COL14A1: variants seen among roughly 807,000 people sequenced by gnomAD.
The protein encoded by COL14A1 is collagen type XIV alpha 1 chain.
COL14A1 carries 136 observed loss-of-function variants against 230.3 expected under a neutral mutation model. That is an observed-to-expected ratio of 0.59 (90% CI 0.51 to 0.68). The LOEUF is 0.68. COL14A1 is among the 30% of genes least tolerant of loss of function. The pLI, the probability that COL14A1 is intolerant of heterozygous loss-of-function variation, is 0.00. For synonymous variants in COL14A1, 792 were observed against 784.1 expected (o/e 1.01, Z -0.17); for missense variants, 1,976 against 2,215.8 (o/e 0.89, Z 2.17).
chr8:120,366,104 G>A (rs973207036), intron 45 of COL14A1, among the ~76,000 whole-genome samples: 20 of 152,298 alleles, frequency 1.3e-4, no homozygotes, highest in Admixed American at 1.3e-3. Context: ...TTTCTTTCTG[G>A]AAGTTATAAA....
At chr8:120,132,534 A>T (rs1420222948) in intron 1 of COL14A1, among the ~76,000 whole-genome samples, 1 of 147,640 alleles carries the variant, frequency 6.8e-6, no homozygotes, top group African/African-American at 2.5e-5. Flanking sequence ...TGCTTTGGCT[A>T]TTGAGGCTCT....
chr8:120,253,846 C>T (rs1819053143), intron 22 of COL14A1, among the ~76,000 whole-genome samples: 1 of 152,246 alleles, frequency 6.6e-6, no homozygotes, highest in East Asian at 1.9e-4. Context: ...ATCGCCTGTA[C>T]CCAGGAGGTG....
rs1028088058 is a variant in COL14A1, at chr8:120,274,506, G to T, written c.3214-3605G>T. On this transcript the variant is annotated intron_variant, in intron 26 of 47. Transcript: ENST00000297848. Reference sequence around the variant, plus strand: ...ATCAGGCAAGAGAAAATAATAAAGGGCATCCAAACTGGAAAAGAAGAAGTT... The same window carrying T: ...ATCAGGCAAGAGAAAATAATAAAGGTCATCCAAACTGGAAAAGAAGAAGTT... 2.6e-5 allele frequency among the ~76,000 whole-genome samples: 4 copies of T among 151,826 alleles called. No individual in the cohort carries two copies. The South Asian group carries it at 8.3e-4, about 31-fold the overall frequency.
chr8:120,334,260 C>T (rs1214593611), intron 42 of COL14A1, among the ~76,000 whole-genome samples: 1 of 152,160 alleles, frequency 6.6e-6, no homozygotes, highest in Non-Finnish European at 1.5e-5. Flanking sequence ...CAAACCCATA[C>T]AGGTTATGCA....
intron 5 of COL14A1, among the ~76,000 whole-genome samples, chr8:120,178,621 T>G (rs1816363012): frequency 1.3e-5 from 2 of 152,194 alleles, no homozygotes; most frequent in African/African-American, 4.8e-5. Context: ...CAAATGGTAT[T>G]TCTAGTTCTA....
At chr8:120,321,081 A>G (rs1821422677) in intron 40 of COL14A1, among the ~76,000 whole-genome samples, 1 of 152,196 alleles carries the variant, frequency 6.6e-6, no homozygotes, top group Non-Finnish European at 1.5e-5. Context: ...AGATCACCAC[A>G]GGATTTTGTT....
intron 6 of COL14A1, among the ~76,000 whole-genome samples, 181 bp from the exon 7 acceptor site, chr8:120,197,630 A>G (rs893583952): frequency 1.3e-5 from 2 of 152,136 alleles, no homozygotes; most frequent in African/African-American, 2.4e-5. Context: ...ACCCCCGTAT[A>G]TGTCTAACTT....
chr8:120,154,371 G>T (rs1371193899), intron 2 of COL14A1, among the ~76,000 whole-genome samples: 2 of 152,158 alleles, frequency 1.3e-5, no homozygotes, highest in East Asian at 3.9e-4. Flanking sequence ...CTATGGGAAT[G>T]ATTGCAGTGG....
chr8:120,141,971 G>A (rs978190947), intron 1 of COL14A1, among the ~76,000 whole-genome samples: 18 of 152,074 alleles, frequency 1.2e-4, no homozygotes, highest in African/African-American at 3.6e-4. Context: ...GGGCTCAAGC[G>A]ATCTTCCTGC....
intron 39 of COL14A1, 42 bp downstream of exon 39, chr8:120,315,628 A>G (rs1219018149): frequency 1.3e-6 from 2 of 1,537,256 alleles, no homozygotes; most frequent in Non-Finnish European, 1.8e-6. Flanking sequence ...TCAGTCTACA[A>G]CTTTGCCAAG....
chr8:120,262,326 A>G (rs1819358292), intron 23 of COL14A1, among the ~76,000 whole-genome samples: 1 of 151,990 alleles, frequency 6.6e-6, no homozygotes, highest in African/African-American at 2.4e-5. Context: ...TACACAAATT[A>G]GCTGGGCATG....
Position 120,228,674 on chromosome 8 carries a change from T to C in COL14A1, c.2138-36T>C, listed in dbSNP as rs144123688. The C allele has an allele frequency of 2.1e-5, 32 of 1,560,482 alleles. 1 individual carries two copies. In the East Asian group the frequency reaches 2.7e-4, roughly 13 times the overall value. The stretch of plus-strand genomic sequence containing the variant: ...CATGCTATAGAAAAATGGACAGTTG[T>C]TTTTGCAGCATTTTAAAGTAATATA... On this transcript the variant is annotated intron_variant, in intron 17 of 47. Coordinates refer to ENST00000297848, the MANE Select transcript of COL14A1 (RefSeq NM_021110.4).
At chr8:120,155,214 C>G (rs189129507) in intron 2 of COL14A1, among the ~76,000 whole-genome samples, 1 of 152,092 alleles carries the variant, frequency 6.6e-6, no homozygotes, top group Non-Finnish European at 1.5e-5. Context: ...GGAATGTAGA[C>G]AGTTGAATCA....
intron 2 of COL14A1, among the ~76,000 whole-genome samples, chr8:120,157,134 G>A (rs1815507135): frequency 6.6e-6 from 1 of 152,126 alleles, no homozygotes; most frequent in African/African-American, 2.4e-5. Context: ...TACACAAAAA[G>A]TAACACAAAA....
chr8:120,228,833 T>C (rs1173413751), intron 18 of COL14A1, 64 bp downstream of exon 18: 3 of 1,344,462 alleles, frequency 2.2e-6, no homozygotes, highest in Non-Finnish European at 3.2e-6. Context: ...TGTTATATTA[T>C]CCTGGTTTTA....
chr8:120,170,057 T>A (rs1816047151), intron 5 of COL14A1, among the ~76,000 whole-genome samples: 1 of 152,026 alleles, frequency 6.6e-6, no homozygotes, highest in Admixed American at 6.6e-5. Context: ...AAGTTCAAAT[T>A]TTATATATCT....
chr8:120,311,089 A>C (rs1821019463), intron 37 of COL14A1, among the ~76,000 whole-genome samples: 1 of 152,212 alleles, frequency 6.6e-6, no homozygotes, highest in Admixed American at 6.5e-5. Flanking sequence ...AAAAGAAGTA[A>C]ATGAAAGAAG....
At position 120,133,876 on chromosome 8, in the gene COL14A1, C is replaced by G. The variant is rs1814625455; in HGVS notation, c.-38+8536C>G. Among the ~76,000 whole-genome samples, 7 of 151,990 alleles carry G rather than the reference C, an allele frequency of 4.6e-5. No homozygotes were observed. The South Asian group carries it at 1.2e-3, about 27-fold the overall frequency. On this transcript the variant is annotated intron_variant, in intron 1 of 47. Coordinates refer to ENST00000297848, the MANE Select transcript of COL14A1 (RefSeq NM_021110.4). ...GAAAAAATTAAGGAAATCAATTTTA[C>G]AAACTTTAAGACTTTGAAAAAATGT...
chr8:120,125,523 T>G (rs1814299541), intron 1 of COL14A1, among the ~76,000 whole-genome samples, 183 bp downstream of exon 1: 1 of 152,064 alleles, frequency 6.6e-6, no homozygotes, highest in South Asian at 2.1e-4. Context: ...CCTGGATGCC[T>G]TTTCGCGGGG....
Sources: gnomAD v4.1 joint callset for allele counts (sites outside exome capture counted in the v4.1 genomes callset) on GRCh38, gnomAD v4.1.1 for gene constraint, MANE v1.5 for transcripts, NCBI Gene and HGNC (gene_info 2026-07-23, HGNC 2026-07-21) for gene names.